MAL: variants seen among roughly 807,000 people sequenced by gnomAD.
The protein encoded by MAL is mal, T cell differentiation protein (MAL blood group).
A neutral mutation model predicts 16.7 loss-of-function variants in MAL; 5 were observed. The observed-to-expected ratio is 0.30, with a 90% confidence interval of 0.16 to 0.63. The LOEUF is 0.63. MAL is among the 30% of genes least tolerant of loss of function. The probability of loss-of-function intolerance (pLI) is 0.82; values close to 1 mark genes in which losing one functional copy is unlikely to be tolerated. For synonymous variants in MAL, 96 were observed against 85.5 expected, an observed-to-expected ratio of 1.12 and a Z score of -0.67; for missense variants, 202 against 195.8, an observed-to-expected ratio of 1.03 and a Z score of -0.19.
At chr2:95,052,487 A>G (rs954682507) in intron 3 of MAL, among the ~76,000 whole-genome samples, 2 of 152,240 alleles carry the variant, frequency 1.3e-5, no homozygotes, top group African/African-American at 4.8e-5. Flanking sequence ...GGGCTTGGCC[A>G]GGTGTAGGGG....
At chr2:95,040,858 A>G (rs1226591528) in intron 1 of MAL, among the ~76,000 whole-genome samples, 1 of 152,126 alleles carries the variant, frequency 6.6e-6, no homozygotes, top group Non-Finnish European at 1.5e-5. Flanking sequence ...GGTTTCCTTT[A>G]CACCTCAAGA....
At chr2:95,039,484 CTGAG>C (rs1674385397) in intron 1 of MAL, among the ~76,000 whole-genome samples, 1 of 113,622 alleles carries the variant, frequency 8.8e-6, no homozygotes, top group African/African-American at 3.5e-5. Flanking sequence ...GAGTAAGTGA[CTGAG>C]TGACTGAGTG....
intron 1 of MAL, among the ~76,000 whole-genome samples, chr2:95,043,265 T>A (rs1210067754): frequency 3.3e-5 from 5 of 152,236 alleles, no homozygotes; most frequent in African/African-American, 7.2e-5. Flanking sequence ...TCCACCTGCA[T>A]GTTAAGTGGC....
intron 1 of MAL, among the ~76,000 whole-genome samples, chr2:95,041,222 C>A (rs1262765758): frequency 6.6e-6 from 1 of 152,332 alleles, no homozygotes; most frequent in East Asian, 1.9e-4. Context: ...CAAGAATGTG[C>A]CAGAGAATGC....
At chr2:95,035,243 G>C (rs1573289381) in intron 1 of MAL, among the ~76,000 whole-genome samples, 1 of 152,146 alleles carries the variant, frequency 6.6e-6, no homozygotes, top group African/African-American at 2.4e-5. Context: ...AATCCCTTTT[G>C]TTTTTCTTGC....
chr2:95,036,607 G>A (rs1674212477), intron 1 of MAL, among the ~76,000 whole-genome samples: 1 of 152,260 alleles, frequency 6.6e-6, no homozygotes, highest in Non-Finnish European at 1.5e-5. Context: ...TTAAATGCGT[G>A]AGTGAATGAA....
At position 95,048,055 on chromosome 2, in the gene MAL, G is replaced by A. The variant is rs746387184; in HGVS notation, c.190G>A (p.Val64Met). Residue 64 changes from valine to methionine, a missense_variant, in exon 2 of 4, where the codon GTG (valine) becomes ATG (methionine). Physicochemically the swap from Val to Met is conservative, Grantham distance 21 (BLOSUM62 1). Coordinates refer to ENST00000309988, the MANE Select transcript of MAL (RefSeq NM_002371.4). ...WVMFVSVFCF[V>M]ATTTLIILYI... is the part of the protein sequence containing the mutation. The stretch of plus-strand genomic sequence containing the variant: ...GATGTTCGTGTCTGTGTTCTGCTTC[G>A]TGGCCACCACCACCTTGATCATCCT... 88 of 1,613,720 alleles carry A rather than the reference G, an allele frequency of 5.5e-5. No individual in the cohort carries two copies. Among genetic ancestry groups the A allele is most frequent in the Non-Finnish European group, 6.3e-5 (74 of 1,179,830 alleles).
chr2:95,027,350 G>A (rs191995511), intron 1 of MAL, among the ~76,000 whole-genome samples: 1 of 152,208 alleles, frequency 6.6e-6, no homozygotes, highest in East Asian at 1.9e-4. Flanking sequence ...TGCTCTTCCA[G>A]CGTGGCTTTG....
At chr2:95,034,693 G>A (rs982697924) in intron 1 of MAL, among the ~76,000 whole-genome samples, 5 of 152,088 alleles carry the variant, frequency 3.3e-5, no homozygotes, top group African/African-American at 1.2e-4. Context: ...AGGAACCGCC[G>A]AGCTTATGGG....
intron 3 of MAL, chr2:95,053,065 A>G: frequency 3.6e-6 from 1 of 281,618 alleles, no homozygotes. Flanking sequence ...CTTTCATTGG[A>G]GGGGTCTTTG....
rs1413479444 is a variant in MAL at position 95,053,636 on chromosome 2, G to A, written c.*181G>A. ...TCGTGGGTGCTGTGTTTACTCTCCCGTGTGCCTTCGCGTCCGGGTTGGGAG... is the reference window on the plus strand; with the variant it reads ...TCGTGGGTGCTGTGTTTACTCTCCCATGTGCCTTCGCGTCCGGGTTGGGAG... On this transcript the variant is annotated 3_prime_UTR_variant, in exon 4 of 4. Transcript: ENST00000309988. 1.5e-5 allele frequency: 9 copies of A among 595,952 alleles called. No individual in the cohort carries two copies. Among genetic ancestry groups the A allele is most frequent in the African/African-American group, 3.7e-5 (2 of 53,694 alleles). 36.9% of individuals were successfully genotyped at this position (595,952 alleles called of 1,614,324 possible).
intron 1 of MAL, among the ~76,000 whole-genome samples, chr2:95,033,266 C>T (rs1415101784): frequency 6.6e-6 from 1 of 152,216 alleles, no homozygotes; most frequent in African/African-American, 2.4e-5. Context: ...ATGGCAGCCC[C>T]TCCCTCTTCT....
intron 1 of MAL, among the ~76,000 whole-genome samples, chr2:95,046,738 C>G (rs1674593803): frequency 2.0e-5 from 3 of 152,054 alleles, no homozygotes; most frequent in Admixed American, 6.6e-5. Flanking sequence ...CTTGGTTACT[C>G]CATTCCAACT....
intron 1 of MAL, among the ~76,000 whole-genome samples, chr2:95,038,164 G>GTGAGTGAC (rs1488936701): frequency 6.7e-6 from 1 of 150,032 alleles, no homozygotes; most frequent in Non-Finnish European, 1.5e-5. Context: ...GAGTGGATGA[G>GTGAGTGAC]TGAGTGACTG....
chr2:95,044,919 G>A (rs1173474122), intron 1 of MAL, among the ~76,000 whole-genome samples: 2 of 152,194 alleles, frequency 1.3e-5, no homozygotes. Flanking sequence ...CTTAAGCCAC[G>A]TGGGAAGAAT....
chr2:95,043,756 C>T (rs1325609563), intron 1 of MAL, among the ~76,000 whole-genome samples: 3 of 152,180 alleles, frequency 2.0e-5, no homozygotes, highest in East Asian at 1.9e-4. Flanking sequence ...CACCCTCCTC[C>T]GCCCTGTCCC....
rs374753619 is a variant in MAL, at chr2:95,037,504, C to CTGAG, written c.94-10438_94-10435dup. ...AGTGACTGAGTGAGTGACTGAGTGA[C>CTGAG]TGAGTGAGTGAGTGAGTGAGCAAGC... On this transcript the variant is annotated intron_variant, in intron 1 of 3. Transcript: ENST00000309988. 2.6e-4 allele frequency among the ~76,000 whole-genome samples: 24 copies of CTGAG among 93,458 alleles called. No individual in the cohort carries two copies. In the South Asian group the frequency reaches 5.5e-3, roughly 21 times the overall value. 61.3% of individuals were successfully genotyped at this position (93,458 alleles called of 152,430 possible). A position where few individuals can be genotyped will look rare whatever the true frequency, so the allele number is the denominator to read the frequency against.
At chr2:95,041,223 CA>C (rs1674456503) in intron 1 of MAL, among the ~76,000 whole-genome samples, 1 of 152,188 alleles carries the variant, frequency 6.6e-6, no homozygotes, top group Non-Finnish European at 1.5e-5. Flanking sequence ...AAGAATGTGC[CA>C]GAGAATGCGT....
Position 95,039,112 on chromosome 2 carries a change from C to G in MAL, c.94-8847C>G, listed in dbSNP as rs1486092764. Among the ~76,000 whole-genome samples the G allele has an allele frequency of 1.9e-3, 120 of 62,438 alleles. 4 individuals carry two copies. The highest frequency in any genetic ancestry group is 3.3e-3 in the African/African-American group (51 of 15,296). The allele number at this position is 62,438 out of a possible 152,430, so 41.0% of individuals were successfully genotyped here. A position where few individuals can be genotyped will look rare whatever the true frequency, so the allele number is the denominator to read the frequency against. On this transcript the variant is annotated intron_variant, in intron 1 of 3. Transcript: ENST00000309988. ...ACTGAGTGAGTGAGTGAGTAAGTGT[C>G]TGAGTGACTGAGTGAGTGAGTGAGT...
Sources: allele counts gnomAD v4.1 joint callset (sites outside exome capture counted in the v4.1 genomes callset), GRCh38; gene constraint gnomAD v4.1.1; transcripts MANE v1.5; gene names NCBI Gene and HGNC (gene_info 2026-07-23, HGNC 2026-07-21).